Variants in EVI5 observed in about 807,000 individuals in gnomAD.
EVI5 encodes the protein ecotropic viral integration site 5.
A neutral mutation model predicts 112.0 loss-of-function variants in EVI5; 73 were observed. The ratio of observed to expected loss-of-function variants is 0.65; its 90% confidence interval spans 0.54 to 0.79. EVI5 has a LOEUF of 0.79. Ranked by LOEUF, EVI5 falls within the 30% of genes least tolerant of loss-of-function variation. The pLI, the probability that EVI5 is intolerant of heterozygous loss-of-function variation, is 0.00. For missense variants in EVI5, 900 were observed against 968.8 expected (o/e 0.93, Z 0.94); for synonymous variants, 305 against 319.9 (o/e 0.95, Z 0.50).
chr1:92,753,581 C>T (rs74101354), intron 1 of EVI5, among the ~76,000 whole-genome samples: 6,593 of 152,126 alleles, frequency 0.043, 410 homozygotes, highest in African/African-American at 0.13. Flanking sequence ...GTCTGAAATT[C>T]AGTATGAATT....
intron 13 of EVI5, among the ~76,000 whole-genome samples, chr1:92,644,485 T>C (rs1192978553): frequency 1.3e-5 from 2 of 152,202 alleles, no homozygotes; most frequent in Non-Finnish European, 2.9e-5. Flanking sequence ...GTTTCTCTAC[T>C]TTTGTTTTCA....
At position 92,574,993 on chromosome 1, in the gene EVI5, G is replaced by C. The variant is rs371652463; in HGVS notation, c.2071-11256C>G. ...TACAAGTTGTGATTTTATTTTTTGA[G>C]CATTTAATCAGTTAACACCTAGTTA... On this transcript the variant is annotated intron_variant, in intron 18 of 19. Transcript: ENST00000684568. 3.3e-5 allele frequency among the ~76,000 whole-genome samples: 5 copies of C among 152,234 alleles called. No individual in the cohort carries two copies. The South Asian group carries it at 1.0e-3, about 32-fold the overall frequency.
intron 14 of EVI5, among the ~76,000 whole-genome samples, 168 bp from the exon 15 acceptor site, chr1:92,626,102 G>A (rs774990488): frequency 3.9e-5 from 6 of 152,130 alleles, no homozygotes; most frequent in Non-Finnish European, 8.8e-5. Flanking sequence ...ACAAGAGCCA[G>A]TGGTTTTTAG....
chr1:92,669,557 A>AAAAAAAAAAAAAAAAAAAAAAAAAAAAG (rs1665508604), intron 10 of EVI5, among the ~76,000 whole-genome samples: 1 of 150,334 alleles, frequency 6.7e-6, no homozygotes, highest in East Asian at 1.9e-4. Context: ...CAAAAAAAAA[A>AAAAAAAAAAAAAAAAAAAAAAAAAAAAG]AAAATCACTG....
chr1:92,786,029 T>C (rs1347457202), upstream of EVI5, among the ~76,000 whole-genome samples: 4 of 151,288 alleles, frequency 2.6e-5, no homozygotes, highest in Non-Finnish European at 5.9e-5. Flanking sequence ...AGGTGGAGGT[T>C]GCAGTGAGCC....
chr1:92,652,364 T>C (rs1662284000), intron 13 of EVI5, among the ~76,000 whole-genome samples: 1 of 152,218 alleles, frequency 6.6e-6, no homozygotes, highest in Non-Finnish European at 1.5e-5. Context: ...AGATTATTGT[T>C]ACTAGATACA....
chr1:92,784,219 T>C (rs888655742), intron 1 of EVI5: 6 of 755,458 alleles, frequency 7.9e-6, no homozygotes, highest in African/African-American at 5.7e-5. Flanking sequence ...AGCAACTCTT[T>C]TGAGTGGAAA....
chr1:92,551,045 T>TTTC (rs1666854153), intron 19 of EVI5, among the ~76,000 whole-genome samples: 1 of 98,188 alleles, frequency 1.0e-5, no homozygotes, highest in East Asian at 2.7e-4. Flanking sequence ...TCTTTCTTTT[T>TTTC]TTTTTTTTTT....
chr1:92,523,310 A>T (rs536376867), intron 19 of EVI5, among the ~76,000 whole-genome samples: 1 of 152,246 alleles, frequency 6.6e-6, no homozygotes, highest in African/African-American at 2.4e-5. Context: ...CCATGTTAAC[A>T]TCCCCCCTTC....
At chr1:92,701,772 T>C (rs12731107) in intron 5 of EVI5, among the ~76,000 whole-genome samples, 29,610 of 150,822 alleles carry the variant, frequency 0.2, 3,440 homozygotes, top group Non-Finnish European at 0.26. Context: ...TCTCTAAAGA[T>C]GTTGTACAAT....
At chr1:92,527,408 C>T (rs1285177424) in intron 19 of EVI5, among the ~76,000 whole-genome samples, 1 of 84,234 alleles carries the variant, frequency 1.2e-5, no homozygotes, top group Non-Finnish European at 2.1e-5. Flanking sequence ...GAGTGAGACA[C>T]TGTCTCAAAA....
chr1:92,725,721 TA>T (rs35476776), intron 2 of EVI5, among the ~76,000 whole-genome samples: 130,591 of 146,582 alleles, frequency 0.89, 58,154 homozygotes, highest in East Asian at 0.96. Flanking sequence ...AGATTTTGTT[TA>T]AAAAAAAAAA....
At chr1:92,696,848 C>A (rs1331934490) in intron 6 of EVI5, among the ~76,000 whole-genome samples, 1 of 152,068 alleles carries the variant, frequency 6.6e-6, no homozygotes, top group Non-Finnish European at 1.5e-5. Context: ...ACCATCCTGG[C>A]TAACATGGTG....
chr1:92,748,198 C>A (rs1679606321), intron 1 of EVI5, among the ~76,000 whole-genome samples: 1 of 152,100 alleles, frequency 6.6e-6, no homozygotes, highest in Non-Finnish European at 1.5e-5. Context: ...AAAGTGGGTA[C>A]CAAAAGTTAT....
rs190327941 is a variant in EVI5 at position 92,593,366 on chromosome 1, A to G, written c.2070+11941T>C. Reference sequence around the variant, plus strand: ...CAGAAAAGGCCTCTGACAAAATTCAACAACCCTTCATGCTAAAAACTCTCA... The same window carrying G: ...CAGAAAAGGCCTCTGACAAAATTCAGCAACCCTTCATGCTAAAAACTCTCA... On this transcript the variant is annotated intron_variant, in intron 18 of 19. Coordinates refer to ENST00000684568, the MANE Select transcript of EVI5 (RefSeq NM_001350197.2). Among the ~76,000 whole-genome samples, 282 of 152,358 alleles carry G rather than the reference A, an allele frequency of 1.9e-3. 1 individual carries two copies. Among genetic ancestry groups the G allele is most frequent in the African/African-American group, 6.6e-3 (273 of 41,580 alleles).
intron 1 of EVI5, among the ~76,000 whole-genome samples, chr1:92,782,823 G>A (rs927253227): frequency 3.9e-5 from 6 of 151,906 alleles, no homozygotes; most frequent in African/African-American, 1.2e-4. Flanking sequence ...GATGTTTTTT[G>A]TTTTTGTTTT....
At chr1:92,755,404 C>T (rs543784447) in intron 1 of EVI5, among the ~76,000 whole-genome samples, 22 of 152,118 alleles carry the variant, frequency 1.4e-4, no homozygotes, top group African/African-American at 5.3e-4. Context: ...CAGCAAGATT[C>T]CGTCTTAAAA....
At chr1:92,772,806 T>C (rs1160652398) in intron 1 of EVI5, among the ~76,000 whole-genome samples, 1 of 150,220 alleles carries the variant, frequency 6.7e-6, no homozygotes, top group Admixed American at 6.7e-5. Context: ...CTCGGGAGGC[T>C]GAGGCAGGAG....
At chr1:92,712,313 C>G (rs1052472154) in intron 2 of EVI5, among the ~76,000 whole-genome samples, 5 of 152,062 alleles carry the variant, frequency 3.3e-5, no homozygotes, top group African/African-American at 1.2e-4. Context: ...ACCTAAATGA[C>G]AGGGATTTCT....
Sources: allele counts gnomAD v4.1 joint callset (sites outside exome capture counted in the v4.1 genomes callset), GRCh38; gene constraint gnomAD v4.1.1; transcripts MANE v1.5; gene names NCBI Gene and HGNC (gene_info 2026-07-23, HGNC 2026-07-21).